The following NF1 variants were observed in gnomAD, a reference collection of about 807,000 sequenced individuals.
NF1 encodes neurofibromin 1.
NF1 carries 122 observed loss-of-function variants against 325.7 expected under a neutral mutation model. The ratio of observed to expected loss-of-function variants is 0.37; its 90% CI spans 0.32 to 0.44. The LOEUF (loss-of-function observed/expected upper bound fraction) is 0.44, where lower values mean the gene tolerates loss of function less well. Ranked by LOEUF, NF1 falls within the 20% of genes least tolerant of loss-of-function variation. The pLI, the probability that NF1 is intolerant of heterozygous loss-of-function variation, is 1.00. For synonymous variants in NF1, 1,091 were observed against 1,186.0 expected, an observed-to-expected ratio of 0.92 and a Z score of 1.65; for missense variants, 2,140 against 3,415.4, an observed-to-expected ratio of 0.63 and a Z score of 9.31.
intron 4 of NF1, among the ~76,000 whole-genome samples, chr17:31,168,658 C>T (rs2065883948): frequency 6.6e-6 from 1 of 152,088 alleles, no homozygotes; most frequent in Non-Finnish European, 1.5e-5. Flanking sequence ...GACAAGAATA[C>T]TTTACTGATG....
At chr17:31,263,098 G>C (rs2067717768) in intron 35 of NF1, among the ~76,000 whole-genome samples, 1 of 95,756 alleles carries the variant, frequency 1.0e-5, no homozygotes. Context: ...TAGGTAGGTA[G>C]GTAGGTAGGT....
intron 36 of NF1, among the ~76,000 whole-genome samples, chr17:31,323,935 T>G (rs974411038): frequency 1.3e-5 from 2 of 152,240 alleles, no homozygotes; most frequent in Non-Finnish European, 2.9e-5. Context: ...AATATTTGTG[T>G]TGTTTTAAAA....
At chr17:31,343,245 T>TC (rs2069873770) in intron 48 of NF1, 110 bp downstream of exon 48, 1 of 1,107,190 alleles carries the variant, frequency 9.0e-7, no homozygotes, top group South Asian at 1.3e-5. Flanking sequence ...CCTTATGTCT[T>TC]ACTTTAAATG....
chr17:31,216,647 T>C (rs2066824124), intron 13 of NF1, among the ~76,000 whole-genome samples: 1 of 152,104 alleles, frequency 6.6e-6, no homozygotes. Flanking sequence ...GCAAATCTTA[T>C]TATGCCCCCT....
At chr17:31,098,135 T>C (rs1409191751) in intron 1 of NF1, among the ~76,000 whole-genome samples, 1 of 148,264 alleles carries the variant, frequency 6.7e-6, no homozygotes, top group South Asian at 2.1e-4. Flanking sequence ...AATAAATTAA[T>C]ATATTAATTT....
At chr17:31,112,605 C>T (rs1235807066) in intron 1 of NF1, among the ~76,000 whole-genome samples, 2 of 152,186 alleles carry the variant, frequency 1.3e-5, no homozygotes, top group South Asian at 4.1e-4. Flanking sequence ...CTGTTTATCT[C>T]TTTTGCCCAT....
intron 48 of NF1, among the ~76,000 whole-genome samples, chr17:31,347,163 G>A (rs1344615663): frequency 2.6e-5 from 4 of 151,094 alleles, no homozygotes; most frequent in Non-Finnish European, 5.9e-5. Flanking sequence ...AGACCATTTG[G>A]AATTACTGGA....
chr17:31,319,064 T>C, intron 36 of NF1: 1 of 1,530,928 alleles, frequency 6.5e-7, no homozygotes, highest in Non-Finnish European at 8.7e-7. Flanking sequence ...TGTGAAAGAA[T>C]AATGGATCCT....
chr17:31,249,945 C>T, intron 30 of NF1: 2 of 488,122 alleles, frequency 4.1e-6, no homozygotes, highest in Non-Finnish European at 8.2e-6. Context: ...TTGTGTCTCT[C>T]TCTTTGCAGA....
chr17:31,254,665 T>A (rs556322286), intron 31 of NF1, among the ~76,000 whole-genome samples: 1 of 152,314 alleles, frequency 6.6e-6, no homozygotes, highest in African/African-American at 2.4e-5. Context: ...CTAGAGCATG[T>A]TTTCTAGCCT....
chr17:31,218,729 G>C (rs1003121868), intron 13 of NF1, among the ~76,000 whole-genome samples: 1 of 151,738 alleles, frequency 6.6e-6, no homozygotes, highest in Non-Finnish European at 1.5e-5. Context: ...ATGCCACCAC[G>C]CCTGGCTAAT....
intron 48 of NF1, among the ~76,000 whole-genome samples, chr17:31,348,718 T>C (rs1293063715): frequency 8.5e-6 from 1 of 117,968 alleles, no homozygotes; most frequent in Non-Finnish European, 2.1e-5. Context: ...TAAAGGGACA[T>C]CTTTTCTTAA....
chr17:31,175,151 A>G (rs1316606191), intron 5 of NF1, among the ~76,000 whole-genome samples: 1 of 150,744 alleles, frequency 6.6e-6, no homozygotes, highest in East Asian at 1.9e-4. Context: ...ACTGATACAG[A>G]AATAATTAGG....
chr17:31,100,614 G>A (rs893556897), intron 1 of NF1, among the ~76,000 whole-genome samples: 1 of 152,026 alleles, frequency 6.6e-6, no homozygotes, highest in African/African-American at 2.4e-5. Flanking sequence ...CTGTCGCCCA[G>A]GCTGGAGTGC....
rs2067619703 is a variant in NF1 at position 31,258,333 on chromosome 17, C to G, written c.4174-11C>G. On this transcript the variant is annotated splice_polypyrimidine_tract_variant and intron_variant, in intron 31 of 57. Coordinates refer to ENST00000358273, the MANE Select transcript of NF1 (RefSeq NM_001042492.3). ...AAACCTTATACTCAATTCTCAACTC[C>G]TTGTTTTTAGGTGGTTAGCCAGCGT... 1 of 1,613,366 alleles carries G rather than the reference C, an allele frequency of 6.2e-7. No individual in the cohort carries two copies.
intron 19 of NF1, 104 bp downstream of exon 19, chr17:31,227,395 A>G: frequency 7.0e-7 from 1 of 1,435,042 alleles, no homozygotes; most frequent in Non-Finnish European, 9.8e-7. Flanking sequence ...AGTAAATCCA[A>G]GATACGTGCA....
At chr17:31,297,361 AT>A (rs1230943531) in intron 36 of NF1, 1 of 152,202 alleles carries the variant, frequency 6.6e-6, no homozygotes, top group Non-Finnish European at 1.5e-5. Flanking sequence ...ACTCAAATTT[AT>A]GGCAAGAGGT....
intron 4 of NF1, 101 bp downstream of exon 4, chr17:31,163,477 T>C: frequency 7.4e-7 from 1 of 1,351,790 alleles, no homozygotes; most frequent in Non-Finnish European, 1.0e-6. Context: ...AATGAGGTTT[T>C]TTTGTTTTTG....
chr17:31,326,636 C>T (rs548420342), intron 37 of NF1, among the ~76,000 whole-genome samples: 86 of 152,016 alleles, frequency 5.7e-4, no homozygotes, highest in Non-Finnish European at 9.1e-4. Context: ...AACAGAGGGA[C>T]GCTCTGTCTC....
Sources: allele counts gnomAD v4.1 joint callset (sites outside exome capture counted in the v4.1 genomes callset), GRCh38; gene constraint gnomAD v4.1.1; transcripts MANE v1.5; gene names NCBI Gene and HGNC (gene_info 2026-07-23, HGNC 2026-07-21).